Variants in GNG2 observed in about 807,000 individuals in gnomAD.
GNG2 encodes the protein guanine nucleotide-binding protein G(I)/G(S)/G(O) subunit gamma-2.
GNG2 carries 5 observed loss-of-function variants against 5.5 expected under a neutral mutation model. That is an observed-to-expected ratio of 0.91 (90% confidence interval 0.48 to 1.92). The LOEUF is 1.92. Ranked by LOEUF, GNG2 falls within the 30% of genes most tolerant of loss-of-function variation. GNG2 has a pLI of 0.01. For synonymous variants in GNG2, 28 were observed against 32.0 expected (o/e 0.88, Z 0.42); for missense variants, 55 against 88.4 (o/e 0.62, Z 1.52).
At chr14:51,922,307 T>A (rs1316588351) in intron 2 of GNG2, among the ~76,000 whole-genome samples, 2 of 152,152 alleles carry the variant, frequency 1.3e-5, no homozygotes, top group South Asian at 4.1e-4. Context: ...GCTTTTTAGA[T>A]AAAAGGAAAA....
At chr14:51,908,146 G>C (rs1886052178) in intron 2 of GNG2, among the ~76,000 whole-genome samples, 2 of 152,206 alleles carry the variant, frequency 1.3e-5, no homozygotes, top group African/African-American at 4.8e-5. Context: ...TGGGCCTGGA[G>C]GATCTGGTTC....
At chr14:51,958,537 G>T (rs1054219999) in intron 3 of GNG2, among the ~76,000 whole-genome samples, 4 of 150,586 alleles carry the variant, frequency 2.7e-5, no homozygotes, top group Non-Finnish European at 5.9e-5. Flanking sequence ...TACACTGCAG[G>T]GTTCATTCCA....
chr14:51,962,154 A>G (rs1294335635), intron 3 of GNG2, among the ~76,000 whole-genome samples: 2 of 152,136 alleles, frequency 1.3e-5, no homozygotes, highest in African/African-American at 4.8e-5. Context: ...AAAGAAACTA[A>G]TTATATTGAC....
chr14:51,902,474 T>A (rs1371371635), intron 2 of GNG2, among the ~76,000 whole-genome samples: 2 of 152,198 alleles, frequency 1.3e-5, no homozygotes, highest in Non-Finnish European at 2.9e-5. Context: ...AGGAGCTTGA[T>A]AAATGTTAAT....
chr14:51,848,354 G>C (rs1881735075), intron 2 of GNG2, among the ~76,000 whole-genome samples: 1 of 152,026 alleles, frequency 6.6e-6, no homozygotes, highest in Non-Finnish European at 1.5e-5. Flanking sequence ...CCACCCCGTG[G>C]CTGTACATCA....
At chr14:51,826,777 A>G (rs543362877) in intron 1 of GNG2, among the ~76,000 whole-genome samples, 1 of 152,238 alleles carries the variant, frequency 6.6e-6, no homozygotes, top group Non-Finnish European at 1.5e-5. Context: ...TGAAGAGTTC[A>G]AAAGGGTGAA....
intron 2 of GNG2, among the ~76,000 whole-genome samples, chr14:51,853,628 A>G (rs1475914156): frequency 1.3e-5 from 2 of 152,242 alleles, no homozygotes; most frequent in African/African-American, 2.4e-5. Context: ...TTGGCACAGA[A>G]AAACTAAGTC....
intron 2 of GNG2, among the ~76,000 whole-genome samples, chr14:51,936,844 T>G (rs932828991): frequency 6.6e-6 from 1 of 152,178 alleles, no homozygotes; most frequent in Non-Finnish European, 1.5e-5. Flanking sequence ...CACCTAGCTG[T>G]GAATTTTAAT....
At chr14:51,924,793 C>G (rs188024965) in intron 2 of GNG2, among the ~76,000 whole-genome samples, 3 of 152,332 alleles carry the variant, frequency 2.0e-5, no homozygotes, top group South Asian at 2.1e-4. Context: ...ACTGGTCTCA[C>G]TTAGCATCTA....
intron 2 of GNG2, among the ~76,000 whole-genome samples, chr14:51,895,112 T>G (rs1885111081): frequency 6.6e-6 from 1 of 151,656 alleles, no homozygotes; most frequent in Non-Finnish European, 1.5e-5. Context: ...AGCCATTTAG[T>G]GAAAATTACA....
intron 2 of GNG2, among the ~76,000 whole-genome samples, chr14:51,890,324 A>G (rs1188678805): frequency 6.6e-6 from 1 of 152,226 alleles, no homozygotes; most frequent in Non-Finnish European, 1.5e-5. Flanking sequence ...TGGTTGAGAA[A>G]AGGCATTTTT....
chr14:51,856,220 G>C (rs186906210), upstream of GNG2, among the ~76,000 whole-genome samples: 122 of 152,048 alleles, frequency 8.0e-4, no homozygotes, highest in Non-Finnish European at 1.1e-3. Flanking sequence ...TGGGCATGGC[G>C]GGGGAGGAGA....
chr14:51,943,326 T>C (rs938493924), intron 2 of GNG2, among the ~76,000 whole-genome samples: 3 of 152,242 alleles, frequency 2.0e-5, no homozygotes, highest in Non-Finnish European at 2.9e-5. Context: ...TCTCAGCATA[T>C]TTGTTTTAAA....
intron 2 of GNG2, among the ~76,000 whole-genome samples, chr14:51,889,445 G>A (rs1332315189): frequency 6.6e-6 from 1 of 152,088 alleles, no homozygotes; most frequent in African/African-American, 2.4e-5. Context: ...ATTTGATAGT[G>A]GTGATGGGTA....
At chr14:51,895,885 C>A (rs898125045) in intron 2 of GNG2, among the ~76,000 whole-genome samples, 1 of 152,232 alleles carries the variant, frequency 6.6e-6, no homozygotes, top group East Asian at 1.9e-4. Flanking sequence ...TTGTCCTGCA[C>A]ATGCTCTCTT....
intron 2 of GNG2, among the ~76,000 whole-genome samples, chr14:51,900,475 A>G (rs957947512): frequency 2.6e-5 from 4 of 151,586 alleles, no homozygotes; most frequent in Admixed American, 6.6e-5. Context: ...AACACTGGTT[A>G]ATGTCCCACA....
chr14:51,847,497 C>T (rs1881672214), intron 2 of GNG2: 1 of 152,168 alleles, frequency 6.6e-6, no homozygotes. Flanking sequence ...CCAAGAAAAG[C>T]GGAAGTATCT....
chr14:51,844,553 G>C (rs1423817603), intron 2 of GNG2, among the ~76,000 whole-genome samples: 4 of 152,116 alleles, frequency 2.6e-5, no homozygotes, highest in Non-Finnish European at 5.9e-5. Context: ...GTTATATAAA[G>C]AGTTAATATG....
intron 2 of GNG2, chr14:51,841,427 A>G (rs931162931): frequency 8.6e-5 from 52 of 605,888 alleles, no homozygotes; most frequent in Non-Finnish European, 1.4e-4. Flanking sequence ...AAAGCCTGGC[A>G]CTGTTTGTTC....
Sources: gnomAD v4.1 joint callset for allele counts (sites outside exome capture counted in the v4.1 genomes callset) on GRCh38, gnomAD v4.1.1 for gene constraint, MANE v1.5 for transcripts, NCBI Gene and HGNC (gene_info 2026-07-23, HGNC 2026-07-21) for gene names.